Variants in RGS12 observed in about 807,000 individuals in gnomAD.
RGS12 encodes the protein regulator of G-protein signaling 12.
Under a neutral mutation model 120.1 loss-of-function variants are expected in RGS12, and 66 were observed. That is an observed-to-expected ratio of 0.55 (90% confidence interval 0.45 to 0.67). The LOEUF (loss-of-function observed/expected upper bound fraction) is 0.67, where lower values mean the gene tolerates loss of function less well. Ranked by LOEUF, RGS12 falls within the 30% of genes least tolerant of loss-of-function variation. The pLI is 0.00. For missense variants in RGS12, 1,859 were observed against 1,957.7 expected (o/e 0.95, Z 0.95); for synonymous variants, 827 against 804.7 (o/e 1.03, Z -0.47).
chr4:3,373,463 A>G (rs1163074229), intron 3 of RGS12, among the ~76,000 whole-genome samples: 2 of 152,212 alleles, frequency 1.3e-5, no homozygotes, highest in Admixed American at 6.5e-5. Context: ...TCTCTGTAGC[A>G]TGAGCTTGGT....
intron 3 of RGS12, among the ~76,000 whole-genome samples, chr4:3,349,775 C>T (rs1714183899): frequency 6.6e-6 from 1 of 152,086 alleles, no homozygotes; most frequent in Non-Finnish European, 1.5e-5. Context: ...TGTGTATTAA[C>T]AGGCAAAAAT....
At position 3,405,892 on chromosome 4, in the gene RGS12, G is replaced by A. The variant is rs1721065685; in HGVS notation, c.2021-8180G>A. 1.3e-5 allele frequency among the ~76,000 whole-genome samples: 2 copies of A among 149,338 alleles called. 1 individual carries two copies. The highest frequency in any genetic ancestry group is 1.4e-4 in the Admixed American group (2 of 14,730). ...ATTCTTATAATTTTTCTGCAAGTTTGAAATTATTTCAAAAGAAAAAGTTGC... is the reference window on the plus strand; with the variant it reads ...ATTCTTATAATTTTTCTGCAAGTTTAAAATTATTTCAAAAGAAAAAGTTGC... On this transcript the variant is annotated intron_variant, in intron 4 of 17. Transcript: ENST00000336727.
At chr4:3,393,015 G>A (rs537773415) in intron 4 of RGS12, among the ~76,000 whole-genome samples, 5 of 152,278 alleles carry the variant, frequency 3.3e-5, no homozygotes, top group African/African-American at 1.2e-4. Flanking sequence ...CAAAATGTTT[G>A]TATATTTATA....
intron 9 of RGS12, 161 bp from the exon 10 acceptor site, chr4:3,420,481 C>G (rs1174381874): frequency 1.6e-5 from 11 of 702,696 alleles, no homozygotes; most frequent in Non-Finnish European, 2.5e-5. Flanking sequence ...ACACATGTGA[C>G]TCGTCTCCAC....
chr4:3,355,776 CAA>C (rs1714822540), intron 3 of RGS12, among the ~76,000 whole-genome samples: 1 of 52,866 alleles, frequency 1.9e-5, no homozygotes, highest in Non-Finnish European at 3.4e-5. Flanking sequence ...GGCTGGGGGA[CAA>C]AGTGAGACCT....
At position 3,430,615 on chromosome 4, in the gene RGS12, C is replaced by T. The variant is rs764847734; in HGVS notation, c.3774C>T (p.Gly1258=). 6.2e-6 allele frequency: 10 copies of T among 1,610,412 alleles called. No homozygotes were observed. The highest frequency in any genetic ancestry group is 1.7e-4 in the Middle Eastern group (1 of 6,056). Residue 1258 remains glycine (G), a synonymous_variant, in exon 17 of 18, where the codon GGC becomes GGT. Transcript: ENST00000336727. ...GCCGGGAGAGCGCCTCCCAGCCTGG[C>T]GAGCAGTGGGAGCCAGTCCAGGAGA... ...GNGRESASQP[G]EQWEPVQESS... is the part of the protein sequence containing the mutation.
At chr4:3,369,035 C>T (rs1344434437) in intron 3 of RGS12, among the ~76,000 whole-genome samples, 1 of 152,096 alleles carries the variant, frequency 6.6e-6, no homozygotes, top group South Asian at 2.1e-4. Flanking sequence ...CCGGGGGTCC[C>T]GGTAGCTTGG....
At chr4:3,397,910 C>T (rs1277311250) in intron 4 of RGS12, among the ~76,000 whole-genome samples, 1 of 152,170 alleles carries the variant, frequency 6.6e-6, no homozygotes, top group Non-Finnish European at 1.5e-5. Context: ...GGCAATAGGA[C>T]ATAGAACAAT....
chr4:3,431,531 G>A (rs1252326819), intron 17 of RGS12: 2 of 986,174 alleles, frequency 2.0e-6, no homozygotes, highest in Admixed American at 6.1e-5. Context: ...CTCTGACCGC[G>A]GGTGTCACGG....
intron 1 of RGS12, among the ~76,000 whole-genome samples, chr4:3,295,915 C>T (rs936865772): frequency 6.6e-6 from 1 of 152,216 alleles, no homozygotes; most frequent in African/African-American, 2.4e-5. Flanking sequence ...CACTTAGTGG[C>T]TGAAAATGGC....
chr4:3,428,045 A>G, intron 14 of RGS12, 45 bp from the exon 15 acceptor site: 2 of 1,558,632 alleles, frequency 1.3e-6, no homozygotes, highest in South Asian at 1.1e-5. Flanking sequence ...AAACATTCAG[A>G]TGGATTTGCG....
intron 3 of RGS12, among the ~76,000 whole-genome samples, chr4:3,367,690 G>C (rs73795521): frequency 6.6e-6 from 1 of 152,188 alleles, no homozygotes; most frequent in Non-Finnish European, 1.5e-5. Context: ...TCTCCCAGGC[G>C]TGTTCTGGCC....
rs1411202521 is a variant in RGS12, at chr4:3,414,167, G to A, written c.2116G>A (p.Glu706Lys). 3 of 1,556,762 alleles carry A rather than the reference G, an allele frequency of 1.9e-6. No homozygotes were observed. The East Asian group carries it at 7.1e-5, about 37-fold the overall frequency. Residue 706 changes from glutamate (E) to lysine (K), a missense_variant, in exon 5 of 18, where the codon GAG (glutamate) becomes AAG (lysine). Physicochemically the swap from Glu to Lys is moderately conservative, Grantham distance 56. Transcript: ENST00000336727. Reference sequence around the variant, plus strand: ...CGTGCAGAGCTGCCGGCGCCTGCGTGAGAGGAGGGTCGCCAGCTGGGCCGT... The same window carrying A: ...CGTGCAGAGCTGCCGGCGCCTGCGTAAGAGGAGGGTCGCCAGCTGGGCCGT... ...PSVQSCRRLRERRVASWAVSF... is the reference protein window; with the variant it reads ...PSVQSCRRLRKRRVASWAVSF...
At chr4:3,434,561 C>T (rs1295269539) in intron 17 of RGS12, among the ~76,000 whole-genome samples, 1 of 152,192 alleles carries the variant, frequency 6.6e-6, no homozygotes, top group Non-Finnish European at 1.5e-5. Context: ...GGGGAGGGAG[C>T]AGCTGTCCCT....
intron 2 of RGS12, among the ~76,000 whole-genome samples, chr4:3,342,160 G>T (rs183266560): frequency 6.6e-6 from 1 of 152,002 alleles, no homozygotes; most frequent in African/African-American, 2.4e-5. Flanking sequence ...TAGCTGCAGA[G>T]CCTCAAAATC....
intron 3 of RGS12, among the ~76,000 whole-genome samples, chr4:3,362,639 G>A (rs1368876530): frequency 7.0e-6 from 1 of 141,952 alleles, no homozygotes; most frequent in African/African-American, 2.6e-5. Context: ...GAATGTGAGA[G>A]TGAGGGTGTG....
At chr4:3,341,090 G>A (rs953266757) in intron 2 of RGS12, among the ~76,000 whole-genome samples, 5 of 150,626 alleles carry the variant, frequency 3.3e-5, no homozygotes, top group African/African-American at 4.9e-5. Flanking sequence ...TCGTGTTCCC[G>A]GCAGCCACAG....
intron 3 of RGS12, among the ~76,000 whole-genome samples, chr4:3,364,454 C>T (rs1036708180): frequency 4.6e-5 from 7 of 152,252 alleles, no homozygotes; most frequent in South Asian, 2.1e-4. Flanking sequence ...TCCTGAGCTG[C>T]GGTTCAGTAG....
chr4:3,384,709 G>C (rs923099269), intron 3 of RGS12, among the ~76,000 whole-genome samples: 8 of 152,240 alleles, frequency 5.3e-5, no homozygotes, highest in Non-Finnish European at 1.5e-5. Flanking sequence ...TCACTACTGG[G>C]AAGTGGGTTG....
Sources: gnomAD v4.1 joint callset for allele counts (sites outside exome capture counted in the v4.1 genomes callset) on GRCh38, gnomAD v4.1.1 for gene constraint, MANE v1.5 for transcripts, NCBI Gene and HGNC (gene_info 2026-07-23, HGNC 2026-07-21) for gene names.